Variants in ZNF518A observed in about 807,000 individuals in gnomAD.
The protein encoded by ZNF518A is zinc finger protein 518A.
ZNF518A carries 47 observed loss-of-function variants against 102.7 expected under a neutral mutation model. The ratio of observed to expected loss-of-function variants is 0.46; its 90% CI spans 0.36 to 0.58. ZNF518A has a LOEUF of 0.58. ZNF518A is among the 20% of genes least tolerant of loss of function. ZNF518A has a pLI of 0.00. For synonymous variants in ZNF518A, 652 were observed against 594.6 expected (o/e 1.10, Z -1.40); for missense variants, 1,793 against 1,699.8 (o/e 1.05, Z -0.96).
intron 1 of ZNF518A, 116 bp downstream of exon 1, chr10:96,130,868 C>G (rs587610252): frequency 2.0e-5 from 3 of 152,272 alleles, no homozygotes; most frequent in African/African-American, 7.2e-5. Flanking sequence ...TCCTCTTTGT[C>G]AAGTAGACAG....
At position 96,201,237 on chromosome 10, in the gene ZNF518A, G is replaced by A. The variant is rs11188661; in HGVS notation, n.36-2337G>A. ...CTGGAAATCTCGAAAATCCTTTCAG[G>A]TGGTTCAAGAGGTCTTTTCTTTTTG... On this transcript the variant is annotated intron_variant and non_coding_transcript_variant, in intron 1 of 2. Coordinates refer to the ZNF518A transcript ENST00000442635. 0.26 allele frequency among the ~76,000 whole-genome samples: 40,100 copies of A among 152,072 alleles called. 5,925 individuals carry two copies. Among genetic ancestry groups the A allele is most frequent in the Middle Eastern group, 0.4 (118 of 294 alleles).
intron 1 of ZNF518A, among the ~76,000 whole-genome samples, chr10:96,174,846 G>A (rs782178256): frequency 1.3e-5 from 2 of 152,152 alleles, no homozygotes; most frequent in Non-Finnish European, 2.9e-5. Context: ...AAATGCATAT[G>A]TTGGTGCTTT....
chr10:96,201,640 AC>A (rs1554896180), intron 1 of ZNF518A, among the ~76,000 whole-genome samples: 1 of 152,202 alleles, frequency 6.6e-6, no homozygotes, highest in Non-Finnish European at 1.5e-5. Context: ...TGGTTCTGAG[AC>A]CAAAATGTCT....
At chr10:96,153,246 A>G (rs782737575) in intron 3 of ZNF518A, among the ~76,000 whole-genome samples, 53 of 152,368 alleles carry the variant, frequency 3.5e-4, no homozygotes, top group Non-Finnish European at 6.2e-4. Flanking sequence ...TGTTCTGTCA[A>G]GGCCCCTGGC....
intron 3 of ZNF518A, among the ~76,000 whole-genome samples, chr10:96,153,242 G>T (rs1332828114): frequency 6.6e-6 from 1 of 152,086 alleles, no homozygotes; most frequent in African/African-American, 2.4e-5. Flanking sequence ...TTTTTGTTCT[G>T]TCAAGGCCCC....
At chr10:96,176,445 C>T (rs193009439) in intron 1 of ZNF518A, among the ~76,000 whole-genome samples, 11 of 152,176 alleles carry the variant, frequency 7.2e-5, no homozygotes, top group Admixed American at 2.0e-4. Flanking sequence ...GAAGCCCAAG[C>T]GGGAAAAGCA....
intron 1 of ZNF518A, among the ~76,000 whole-genome samples, chr10:96,170,776 A>G (rs1226113597): frequency 2.6e-5 from 4 of 152,220 alleles, no homozygotes; most frequent in Non-Finnish European, 5.9e-5. Context: ...AATGGATATC[A>G]TCAAGAAAGT....
Position 96,158,882 on chromosome 10 carries a change from G to T in ZNF518A, c.2560G>T (p.Asp854Tyr), listed in dbSNP as rs369787509. 274 of 1,613,544 alleles carry T rather than the reference G, an allele frequency of 1.7e-4. 1 individual carries two copies. Among genetic ancestry groups the T allele is most frequent in the Non-Finnish European group, 2.2e-4 (264 of 1,179,730 alleles). Residue 854 changes from aspartate (D) to tyrosine (Y), a missense_variant, in exon 6 of 6, where the codon GAT (aspartate) becomes TAT (tyrosine). This residue lies in a region of ZNF518A where 1,741 missense variants were observed against 1,622.6 expected (regional missense o/e 1.07). Coordinates refer to ENST00000316045, the MANE Select transcript of ZNF518A (RefSeq NM_001330736.2). Reference sequence around the variant, plus strand: ...TGTGGGTATTAATGTGCCTACAAATGATTTGAATTTGAAATTTGGAAAAGA... The same window carrying T: ...TGTGGGTATTAATGTGCCTACAAATTATTTGAATTTGAAATTTGGAAAAGA... ...GSVGINVPTN[D>Y]LNLKFGKEKQ...
chr10:96,198,030 C>T (rs782795708), intron 1 of ZNF518A, among the ~76,000 whole-genome samples: 41 of 150,624 alleles, frequency 2.7e-4, no homozygotes, highest in East Asian at 1.2e-3. Flanking sequence ...TAAAAAATTA[C>T]GAACAAAAGA....
chr10:96,142,349 T>C (rs2133334759), intron 3 of ZNF518A, among the ~76,000 whole-genome samples: 1 of 147,548 alleles, frequency 6.8e-6, no homozygotes, highest in African/African-American at 2.5e-5. Flanking sequence ...TGTGTGTGTG[T>C]GTGTGTTTCT....
intron 2 of ZNF518A, among the ~76,000 whole-genome samples, chr10:96,133,217 T>C (rs1554872917): frequency 1.3e-5 from 2 of 152,126 alleles, no homozygotes; most frequent in African/African-American, 2.4e-5. Flanking sequence ...ACAGTGGAGA[T>C]AAAGGTGGTA....
chr10:96,166,728 C>T (rs1228228542), downstream of ZNF518A, among the ~76,000 whole-genome samples: 1 of 152,052 alleles, frequency 6.6e-6, no homozygotes, highest in Non-Finnish European at 1.5e-5. Context: ...GATCGCACCG[C>T]TGCACTCCAG....
chr10:96,190,266 A>C, intron 1 of ZNF518A: 1 of 712,910 alleles, frequency 1.4e-6, no homozygotes. Flanking sequence ...GACGGAGATA[A>C]ACGACCACTG....
In ZNF518A at chr10:96,156,361, A is replaced by C; in HGVS notation, c.39A>C (p.Lys13Asn). ...AGAAACAGTTATTTTGTGATGAAAA[A>C]CAAACTACTTTAAAAAAAGATTATG... ...SEQKQLFCDE[K>N]QTTLKKDYDV... The change falls in exon 6 of 6, where the codon AAA becomes AAC. Residue 13 changes from lysine to asparagine, a missense_variant. Physicochemically the swap from Lys to Asn is moderately conservative, Grantham distance 94. Around this residue, in one of 3 missense-constraint regions of ZNF518A, gnomAD observed 1,741 missense variants for 1,622.6 expected, o/e 1.07. Coordinates refer to ENST00000316045, the MANE Select transcript of ZNF518A (RefSeq NM_001330736.2). 1 of 1,588,970 alleles carries C rather than the reference A, an allele frequency of 6.3e-7. No individual in the cohort carries two copies. The highest frequency in any genetic ancestry group is 8.5e-7 in the Non-Finnish European group (1 of 1,172,758).
In ZNF518A at chr10:96,181,500, T is replaced by C. The variant is rs781916357; in HGVS notation, n.36-22074T>C. On this transcript the variant is annotated intron_variant and non_coding_transcript_variant, in intron 1 of 2. Transcript: ENST00000442635. ...TTAGGTCTAACATGTAAGTCTTTAA[T>C]CCATCTTGAATTAATTTTTGTCTAA... Among the ~76,000 whole-genome samples the C allele has an allele frequency of 1.3e-3, 195 of 152,248 alleles. 1 individual carries two copies. The highest frequency in any genetic ancestry group is 2.1e-3 in the Non-Finnish European group (142 of 68,034).
Position 96,161,324 on chromosome 10 carries a change from A to G in ZNF518A, c.*550A>G, listed in dbSNP as rs1282064321. The G allele has an allele frequency of 7.8e-5, 13 of 166,988 alleles. No individual in the cohort carries two copies. The highest frequency in any genetic ancestry group is 2.9e-4 in the African/African-American group (12 of 41,456). The allele number at this position is 166,988 out of a possible 1,614,324, so 10.3% of individuals were successfully genotyped here. ...TCCTTGAAAGTACATTTAACTCACT[A>G]CAGTTACACCTCATACAATGCTTGA... On this transcript the variant is annotated 3_prime_UTR_variant, in exon 6 of 6. Coordinates refer to ENST00000316045, the MANE Select transcript of ZNF518A (RefSeq NM_001330736.2).
chr10:96,178,632 A>G (rs781851626), intron 1 of ZNF518A, among the ~76,000 whole-genome samples: 12 of 152,058 alleles, frequency 7.9e-5, no homozygotes, highest in Non-Finnish European at 1.5e-4. Context: ...TAGAAAACAG[A>G]CAAACAATAG....
chr10:96,204,990 C>T (rs2083758293), downstream of ZNF518A: 1 of 321,226 alleles, frequency 3.1e-6, no homozygotes, highest in African/African-American at 2.1e-5. Context: ...GTGGCCTCCA[C>T]ACAGGTGGAG....
chr10:96,159,714 T>A lies in ZNF518A; in HGVS notation c.3392T>A (p.Ile1131Lys), dbSNP rs782561390. 1 of 1,613,150 alleles carries A rather than the reference T, an allele frequency of 6.2e-7. No homozygotes were observed. Among genetic ancestry groups the A allele is most frequent in the African/African-American group, 1.3e-5 (1 of 74,922 alleles). The change falls in exon 6 of 6, where the codon ATA becomes AAA. Residue 1131 changes from isoleucine to lysine, a missense_variant. Ile to Lys is a moderately radical substitution (Grantham distance 102). Transcript: ENST00000316045. ...GTCCAAAATAGTACTTATCAAAATA[T>A]ACAGCCAAAGAAACCTGAAGGAACA... ...KLVQNSTYQNIQPKKPEGTPQ... is the reference protein window; with the variant it reads ...KLVQNSTYQNKQPKKPEGTPQ...
Sources: gnomAD v4.1 joint callset for allele counts (sites outside exome capture counted in the v4.1 genomes callset) on GRCh38, gnomAD v4.1.1 for gene constraint, gnomAD v4.1.1 regional missense constraint, MANE v1.5 for transcripts, NCBI Gene and HGNC (gene_info 2026-07-23, HGNC 2026-07-21) for gene names.